The following CCDC144A variants were observed in gnomAD, a reference collection of about 807,000 sequenced individuals.
The protein encoded by CCDC144A is coiled-coil domain containing 144A.
CCDC144A carries 41 observed loss-of-function variants against 143.8 expected under a neutral mutation model. That is an observed-to-expected ratio of 0.29 (90% CI 0.22 to 0.37). The LOEUF (loss-of-function observed/expected upper bound fraction) is 0.37, where lower values mean the gene tolerates loss of function less well. Ranked by LOEUF, CCDC144A falls within the 10% of genes least tolerant of loss-of-function variation. The pLI is 1.00. For missense variants in CCDC144A, 637 were observed against 1,488.8 expected (o/e 0.43, Z 9.41); for synonymous variants, 242 against 517.9 (o/e 0.47, Z 7.23).
intron 6 of CCDC144A, among the ~76,000 whole-genome samples, chr17:16,714,496 C>CCT (rs1912629389): frequency 6.6e-6 from 1 of 152,128 alleles, no homozygotes; most frequent in Non-Finnish European, 1.5e-5. Context: ...CATTGACTCC[C>CCT]CTCTCTCTCT....
the CCDC144A span, among the ~76,000 whole-genome samples, chr17:16,673,979 A>G: frequency 2.0e-5 from 3 of 152,078 alleles, no homozygotes; most frequent in South Asian, 4.2e-4. Flanking sequence ...CAAAATATTT[A>G]TTTTTTTTAA....
At chr17:16,746,746 G>A in intron 12 of CCDC144A, 2 of 1,610,472 alleles carry the variant, frequency 1.2e-6, no homozygotes, top group Non-Finnish European at 1.7e-6. Flanking sequence ...CCGGAGGCAG[G>A]CGGCAGATGA....
At chr17:16,751,942 C>T (rs1914814297) in intron 12 of CCDC144A, among the ~76,000 whole-genome samples, 1 of 152,242 alleles carries the variant, frequency 6.6e-6, no homozygotes, top group African/African-American at 2.4e-5. Flanking sequence ...GTCCCCCAGC[C>T]TTCTGTGCCC....
At chr17:16,771,149 CAAT>C (rs1166429496) in intron 15 of CCDC144A, among the ~76,000 whole-genome samples, 1 of 152,158 alleles carries the variant, frequency 6.6e-6, no homozygotes, top group Non-Finnish European at 1.5e-5. Flanking sequence ...GGGACACTGG[CAAT>C]AAGTTTGAAA....
At position 16,730,810 on chromosome 17, in the gene CCDC144A, G is replaced by C. The variant is rs1386240072; in HGVS notation, c.2106-990G>C. Among the ~76,000 whole-genome samples the C allele has an allele frequency of 2.8e-5, 4 of 142,368 alleles. 1 individual carries two copies. Among genetic ancestry groups the C allele is most frequent in the African/African-American group, 1.2e-4 (4 of 34,044 alleles). 93.4% of individuals were successfully genotyped at this position (142,368 alleles called of 152,430 possible). A position where few individuals can be genotyped will look rare whatever the true frequency, so the allele number is the denominator to read the frequency against. On this transcript the variant is annotated intron_variant, in intron 9 of 16. Transcript: ENST00000399273. The stretch of plus-strand genomic sequence containing the variant: ...GATTCTCACATTGGTCATTCTTGAT[G>C]TTTACTAGTGCTCCTGATTTGTGTA...
chr17:16,717,976 A>G (rs893096524), intron 6 of CCDC144A, among the ~76,000 whole-genome samples: 3 of 152,220 alleles, frequency 2.0e-5, no homozygotes, highest in African/African-American at 7.2e-5. Flanking sequence ...CTGCAAGGAG[A>G]TGATGACAGC....
chr17:16,707,178 G>A (rs1912113467), intron 3 of CCDC144A: 1 of 311,932 alleles, frequency 3.2e-6, no homozygotes, highest in African/African-American at 2.2e-5. Context: ...TGTTTTGTTT[G>A]TGATGGCTTT....
chr17:16,773,320 C>T (rs1384848176), intron 16 of CCDC144A, among the ~76,000 whole-genome samples, 177 bp from the exon 17 acceptor site: 1 of 152,014 alleles, frequency 6.6e-6, no homozygotes, highest in African/African-American at 2.4e-5. Context: ...CACAGTGGCT[C>T]ATGCCTGCAG....
intron 12 of CCDC144A, among the ~76,000 whole-genome samples, chr17:16,739,737 G>T (rs1156746470): frequency 6.6e-6 from 1 of 151,982 alleles, no homozygotes; most frequent in Non-Finnish European, 1.5e-5. Context: ...TTTGTTTTTG[G>T]ATTCTCAGTT....
chr17:16,673,973 ATATT>A, the CCDC144A span, among the ~76,000 whole-genome samples: 1 of 152,144 alleles, frequency 6.6e-6, no homozygotes, highest in Non-Finnish European at 1.5e-5. Flanking sequence ...TGAATACAAA[ATATT>A]TATTTTTTTT....
chr17:16,713,780 A>G (rs1324566008), intron 6 of CCDC144A, among the ~76,000 whole-genome samples: 2 of 152,226 alleles, frequency 1.3e-5, no homozygotes, highest in Non-Finnish European at 2.9e-5. Flanking sequence ...AAAATATAGT[A>G]TATAGTTATA....
chr17:16,726,651 T>G (rs1376252899), intron 8 of CCDC144A, among the ~76,000 whole-genome samples: 3 of 152,010 alleles, frequency 2.0e-5, no homozygotes, highest in South Asian at 4.2e-4. Flanking sequence ...ACATGTTTCT[T>G]TCCAGTGTTT....
chr17:16,776,906 T>C lies in CCDC144A; in HGVS notation c.*3273T>C, dbSNP rs1343161722. On this transcript the variant is annotated 3_prime_UTR_variant, in exon 17 of 17. Coordinates refer to ENST00000399273, the MANE Select transcript of CCDC144A (RefSeq NM_001382000.1). ...GCCTAAATGCTCCACTTAAAAGATA[T>C]AGAATGGCAGAATGGGTAAGAATTC... is the stretch of plus-strand genomic sequence containing the variant. 3.3e-5 allele frequency: 5 copies of C among 150,224 alleles called. No homozygotes were observed. Among genetic ancestry groups the C allele is most frequent in the African/African-American group, 1.2e-4 (5 of 40,620 alleles). 9.3% of individuals were successfully genotyped at this position (150,224 alleles called of 1,614,324 possible). A position where few individuals can be genotyped will look rare whatever the true frequency, so the allele number is the denominator to read the frequency against.
intron 6 of CCDC144A, among the ~76,000 whole-genome samples, chr17:16,717,018 G>T (rs1317701547): frequency 6.6e-6 from 1 of 150,784 alleles, no homozygotes; most frequent in Non-Finnish European, 1.5e-5. Context: ...TTTCACCGTG[G>T]TCTCGATCTC....
At chr17:16,696,003 C>T (rs577843853) in intron 2 of CCDC144A, among the ~76,000 whole-genome samples, 1 of 152,114 alleles carries the variant, frequency 6.6e-6, no homozygotes, top group South Asian at 2.1e-4. Flanking sequence ...AAGTGAATAC[C>T]TAAGGCAAGC....
chr17:16,710,701 A>G (rs1912354398), intron 5 of CCDC144A, among the ~76,000 whole-genome samples: 1 of 152,138 alleles, frequency 6.6e-6, no homozygotes, highest in South Asian at 2.1e-4. Flanking sequence ...TATGATGCCA[A>G]AGTAGAAAGC....
rs532950649 is a variant in CCDC144A at position 16,773,720 on chromosome 17, T to C, written c.*87T>C. 5.2e-4 allele frequency: 701 copies of C among 1,338,742 alleles called. 3 individuals carry two copies. In the African/African-American group the frequency reaches 9.8e-3, roughly 19 times the overall value. The allele number at this position is 1,338,742 out of a possible 1,614,324, so 82.9% of individuals were successfully genotyped here. ...TGTGAACATTTTTACTAAAGGGAAA[T>C]ATTCTATATTATACATGTCTGATGA... On this transcript the variant is annotated 3_prime_UTR_variant, in exon 17 of 17. Transcript: ENST00000399273.
chr17:16,712,003 G>T, intron 6 of CCDC144A, 188 bp downstream of exon 6: 2 of 830,370 alleles, frequency 2.4e-6, no homozygotes, highest in Non-Finnish European at 3.6e-6. Flanking sequence ...AGTGGTGCAT[G>T]CCTGTAATCC....
Position 16,734,802 on chromosome 17 carries a change from A to G in CCDC144A, c.2531A>G (p.Gln844Arg). 1 of 1,548,902 alleles carries G rather than the reference A, an allele frequency of 6.5e-7. No homozygotes were observed. Among genetic ancestry groups the G allele is most frequent in the Non-Finnish European group, 8.7e-7 (1 of 1,151,382 alleles). ...GATACAATAAAAAATCAGAACAAGCAAAAGGAAAAGAAATATTTTGAGGAC... is the reference window on the plus strand; with the variant it reads ...GATACAATAAAAAATCAGAACAAGCGAAAGGAAAAGAAATATTTTGAGGAC... ...EIDTIKNQNK[Q>R]KEKKYFEDIE... Residue 844 changes from glutamine (Q) to arginine (R), a missense_variant, in exon 12 of 17, where the codon CAA becomes CGA. Gln to Arg is a conservative substitution (Grantham distance 43). Transcript: ENST00000399273.
Sources: gnomAD v4.1 joint callset for allele counts (sites outside exome capture counted in the v4.1 genomes callset) on GRCh38, gnomAD v4.1.1 for gene constraint, MANE v1.5 for transcripts, NCBI Gene and HGNC (gene_info 2026-07-23, HGNC 2026-07-21) for gene names.